COX16: variants seen among roughly 807,000 people sequenced by gnomAD.
COX16 encodes the protein cytochrome c oxidase assembly factor COX16, also known as cytochrome c oxidase assembly protein COX16 homolog, mitochondrial.
Under a neutral mutation model 15.4 loss-of-function variants are expected in COX16, and 12 were observed. The ratio of observed to expected loss-of-function variants is 0.78; its 90% CI spans 0.50 to 1.26. COX16 has a LOEUF of 1.26. Ranked by LOEUF, COX16 falls within the 50% of genes most tolerant of loss-of-function variation. COX16 has a pLI of 0.00. For synonymous variants in COX16, 46 were observed against 41.1 expected (o/e 1.12, Z -0.46); for missense variants, 124 against 127.6 (o/e 0.97, Z 0.14).
At chr14:70,346,111 C>A (rs372157836) in intron 1 of COX16, among the ~76,000 whole-genome samples, 1 of 152,262 alleles carries the variant, frequency 6.6e-6, no homozygotes, top group African/African-American at 2.4e-5. Context: ...GTTAACCCTC[C>A]TTCCCCCTTC....
intron 1 of COX16, among the ~76,000 whole-genome samples, chr14:70,348,461 C>A (rs989522048): frequency 6.6e-6 from 1 of 152,144 alleles, no homozygotes; most frequent in South Asian, 2.1e-4. Context: ...TACACCTTTT[C>A]CAAACCTAAC....
chr14:70,356,271 A>G (rs1401166106), intron 1 of COX16, among the ~76,000 whole-genome samples: 1 of 151,958 alleles, frequency 6.6e-6, no homozygotes, highest in Non-Finnish European at 1.5e-5. Context: ...ATCAGACATT[A>G]GATCTCATAA....
At chr14:70,338,888 G>C (rs146562030) in intron 2 of COX16, among the ~76,000 whole-genome samples, 1 of 152,078 alleles carries the variant, frequency 6.6e-6, no homozygotes, top group African/African-American at 2.4e-5. Context: ...TCTTGTTTGC[G>C]TATTGTGCAG....
intron 2 of COX16, among the ~76,000 whole-genome samples, chr14:70,336,795 T>C (rs1487829044): frequency 1.3e-5 from 2 of 152,248 alleles, no homozygotes; most frequent in African/African-American, 2.4e-5. Context: ...TGCTACTCTA[T>C]TGTATAATGC....
At chr14:70,354,095 T>C (rs1887051786) in intron 1 of COX16, among the ~76,000 whole-genome samples, 1 of 152,010 alleles carries the variant, frequency 6.6e-6, no homozygotes, top group Non-Finnish European at 1.5e-5. Context: ...GAGAATCACT[T>C]GAGGCCAGGA....
At chr14:70,332,713 T>A (rs1886328064) in intron 2 of COX16, among the ~76,000 whole-genome samples, 1 of 152,060 alleles carries the variant, frequency 6.6e-6, no homozygotes, top group Non-Finnish European at 1.5e-5. Context: ...AAGTGACACA[T>A]GCTCATCCGT....
chr14:70,334,804 T>TA (rs544766779), intron 2 of COX16, among the ~76,000 whole-genome samples: 71 of 152,246 alleles, frequency 4.7e-4, no homozygotes, highest in African/African-American at 1.6e-3. Context: ...TGCGAGGAGT[T>TA]ACACAACTAG....
At chr14:70,359,240 A>C in intron 1 of COX16, 1 of 554,964 alleles carries the variant, frequency 1.8e-6, no homozygotes, top group Non-Finnish European at 3.4e-6. Flanking sequence ...GGGTAGTAAC[A>C]ATGACCGCGT....
At chr14:70,330,219 T>C (rs1347524432) in intron 2 of COX16, among the ~76,000 whole-genome samples, 2 of 152,134 alleles carry the variant, frequency 1.3e-5, no homozygotes, top group East Asian at 1.9e-4. Context: ...ACAAATTCTA[T>C]AGGCAATAAA....
chr14:70,326,306 A>AG lies in COX16; in HGVS notation c.*26_*27insC. The AG allele has an allele frequency of 6.9e-7, 1 of 1,442,034 alleles. No individual in the cohort carries two copies. Among genetic ancestry groups the AG allele is most frequent in the Non-Finnish European group, 9.1e-7 (1 of 1,096,482 alleles). The allele number at this position is 1,442,034 out of a possible 1,614,324, so 89.3% of individuals were successfully genotyped here. A position where few individuals can be genotyped will look rare whatever the true frequency, so the allele number is the denominator to read the frequency against. Reference sequence around the variant, plus strand: ...TTAATAATATTTTTATTTAAAAAAAAAAAAAAGGAAAAAAGAATCAGCAGA... The same window carrying AG: ...TTAATAATATTTTTATTTAAAAAAAAGAAAAAAGGAAAAAAGAATCAGCAGA... On this transcript the variant is annotated 3_prime_UTR_variant, in exon 4 of 4. Coordinates refer to ENST00000389912, the MANE Select transcript of COX16 (RefSeq NM_016468.7).
chr14:70,356,006 A>T (rs538165125), intron 1 of COX16, among the ~76,000 whole-genome samples: 1 of 152,204 alleles, frequency 6.6e-6, no homozygotes, highest in Non-Finnish European at 1.5e-5. Flanking sequence ...CCACAAGTGG[A>T]AGCAGCTTGA....
chr14:70,331,542 G>A (rs1048328175), intron 2 of COX16, among the ~76,000 whole-genome samples: 8 of 151,976 alleles, frequency 5.3e-5, no homozygotes, highest in Non-Finnish European at 1.0e-4. Context: ...TAACTTCATC[G>A]GTCACCATGG....
intron 2 of COX16, among the ~76,000 whole-genome samples, chr14:70,334,566 G>C (rs936783717): frequency 2.6e-5 from 4 of 152,258 alleles, no homozygotes; most frequent in Middle Eastern, 3.4e-3. Flanking sequence ...GGGGGAAAGA[G>C]AGTTAATGTG....
intron 1 of COX16, among the ~76,000 whole-genome samples, chr14:70,356,689 G>T (rs1309445566): frequency 6.6e-6 from 1 of 152,134 alleles, no homozygotes; most frequent in Admixed American, 6.5e-5. Flanking sequence ...CAAAGACATA[G>T]AAGATATAAA....
intron 1 of COX16, among the ~76,000 whole-genome samples, chr14:70,358,711 T>TA (rs1463059147): frequency 6.6e-6 from 1 of 152,220 alleles, no homozygotes; most frequent in Non-Finnish European, 1.5e-5. Flanking sequence ...CTTTTGTTCA[T>TA]ATGCTTTAAT....
At position 70,359,517 on chromosome 14, in the gene COX16, A is replaced by AC. The variant is rs1887235173; in HGVS notation, c.69+1dup. ...GCGGAAGATCCTCCTCACTCCACTC[A>AC]CCAACATGGGGACTCCATAGCCGAG... On this transcript the variant is annotated splice_donor_variant, in intron 1 of 3. Coordinates refer to ENST00000389912, the MANE Select transcript of COX16 (RefSeq NM_016468.7). LOFTEE classifies it high-confidence loss of function. The AC allele has an allele frequency of 1.9e-6, 3 of 1,613,720 alleles. No individual in the cohort carries two copies. The highest frequency in any genetic ancestry group is 2.5e-6 in the Non-Finnish European group (3 of 1,179,664).
chr14:70,342,009 T>C (rs1886638208), intron 2 of COX16, among the ~76,000 whole-genome samples: 1 of 152,220 alleles, frequency 6.6e-6, no homozygotes, highest in African/African-American at 2.4e-5. Flanking sequence ...ATTACTGATA[T>C]TAATATTAAA....
rs573687535 is a variant in COX16 at position 70,359,482 on chromosome 14, C to T, written c.69+37G>A. The T allele has an allele frequency of 1.0e-4, 160 of 1,574,452 alleles. 4 individuals are homozygous for T. In the South Asian group the frequency reaches 1.7e-3, roughly 17 times the overall value. On this transcript the variant is annotated intron_variant, in intron 1 of 3. Coordinates refer to ENST00000389912, the MANE Select transcript of COX16 (RefSeq NM_016468.7). ...TCTTGATCCTGCCAAGGAGGAGGGT[C>T]CCACCCCTTGCGGAAGATCCTCCTC...
chr14:70,346,059 C>T (rs1886769758), intron 1 of COX16, among the ~76,000 whole-genome samples: 1 of 152,088 alleles, frequency 6.6e-6, no homozygotes, highest in South Asian at 2.1e-4. Flanking sequence ...AGCTTGTAAA[C>T]TCATCCCGCC....
Sources: allele counts gnomAD v4.1 joint callset (sites outside exome capture counted in the v4.1 genomes callset), GRCh38; gene constraint gnomAD v4.1.1; transcripts MANE v1.5; gene names NCBI Gene and HGNC (gene_info 2026-07-23, HGNC 2026-07-21).